The following PPP1R18 variants were observed in gnomAD, a reference collection of about 807,000 sequenced individuals.
The protein encoded by PPP1R18 is protein phosphatase 1 regulatory subunit 18.
A neutral mutation model predicts 54.8 loss-of-function variants in PPP1R18; 31 were observed. That is an observed-to-expected ratio of 0.57 (90% CI 0.43 to 0.76). The LOEUF is 0.76. Among genes scored for constraint, PPP1R18 ranks in the 30% least tolerant of loss-of-function variants. PPP1R18 has a pLI of 0.00. For missense variants in PPP1R18, 685 were observed against 776.1 expected, an observed-to-expected ratio of 0.88 and a Z score of 1.39; for synonymous variants, 310 against 320.2, an observed-to-expected ratio of 0.97 and a Z score of 0.34.
chr6:30,678,296 A>G (rs1165535459), intron 2 of PPP1R18, among the ~76,000 whole-genome samples: 1 of 151,764 alleles, frequency 6.6e-6, no homozygotes, highest in Non-Finnish European at 1.5e-5. Flanking sequence ...TGCAGCCTCC[A>G]ACTCCTGAGG....
At chr6:30,677,340 C>A in intron 2 of PPP1R18, 52 bp from the exon 3 acceptor site, 1 of 1,495,454 alleles carries the variant, frequency 6.7e-7, no homozygotes, top group Non-Finnish European at 9.0e-7. Flanking sequence ...CCTCTGCCTT[C>A]TGCCCACCCT....
In PPP1R18 at chr6:30,684,474, C is replaced by T; in HGVS notation, c.1545G>A (p.Leu515=). ...TGCGGCTGAGACGGAGGTAGCCCCC[C>T]AGAACCAAGATCTCCTCGGCAGTTG... ...RYPTAEEILV[L]GGYLRLSRSC... The change falls in exon 1 of 3, where the codon CTG becomes CTA. Residue 515 remains leucine (L), a synonymous_variant. Transcript: ENST00000274853. This position sits in a 1 kb window ranked among gnomAD's most constrained non-coding sequence, Gnocchi z 6.0. 1.9e-6 allele frequency: 3 copies of T among 1,610,356 alleles called. No individual in the cohort carries two copies. The highest frequency in any genetic ancestry group is 2.5e-6 in the Non-Finnish European group (3 of 1,178,428).
intron 1 of PPP1R18, among the ~76,000 whole-genome samples, chr6:30,682,559 G>A (rs1770606503): frequency 6.6e-6 from 1 of 152,146 alleles, no homozygotes; most frequent in Admixed American, 6.5e-5. Flanking sequence ...AGGGGGTAGA[G>A]GGTGGAGGGT....
chr6:30,676,993 G>A lies in PPP1R18; in HGVS notation c.*276C>T. On this transcript the variant is annotated 3_prime_UTR_variant, in exon 3 of 3. Transcript: ENST00000274853. Reference sequence around the variant, plus strand: ...AGGTGCTCCATCTCCACCCTCCAGGGAGTTCTGTGCCCCTTCTCAGGACTT... The same window carrying A: ...AGGTGCTCCATCTCCACCCTCCAGGAAGTTCTGTGCCCCTTCTCAGGACTT... 3.3e-6 allele frequency: 2 copies of A among 607,830 alleles called. No individual in the cohort carries two copies. Among genetic ancestry groups the A allele is most frequent in the Non-Finnish European group, 5.9e-6 (2 of 340,790 alleles). 37.7% of individuals were successfully genotyped at this position (607,830 alleles called of 1,614,324 possible). A position where few individuals can be genotyped will look rare whatever the true frequency, so the allele number is the denominator to read the frequency against.
Position 30,685,343 on chromosome 6 carries a change from C to A in PPP1R18, c.676G>T (p.Gly226Trp). The change falls in exon 1 of 3, where the codon GGG becomes TGG. Residue 226 changes from glycine to tryptophan, a missense_variant. Coordinates refer to ENST00000274853, the MANE Select transcript of PPP1R18 (RefSeq NM_133471.4). This position sits in a 1 kb window ranked among gnomAD's most constrained non-coding sequence, Gnocchi z 5.0. ...RKEVESRLSP[G>W]ESAYQKLGLT... ...CCCAACTTCTGGTAGGCAGATTCCC[C>A]TGGGCTCAGTCTACTTTCCACCTCT... is the stretch of plus-strand genomic sequence containing the variant. 3 of 1,613,098 alleles carry A rather than the reference C, an allele frequency of 1.9e-6. No homozygotes were observed. Among genetic ancestry groups the A allele is most frequent in the African/African-American group, 2.7e-5 (2 of 75,058 alleles).
rs1477674013 is a variant in PPP1R18 at position 30,684,189 on chromosome 6, G to C, written c.1611+219C>G. Among the ~76,000 whole-genome samples the C allele has an allele frequency of 6.6e-6, 1 of 152,192 alleles. No homozygotes were observed. Among genetic ancestry groups the C allele is most frequent in the Non-Finnish European group, 1.5e-5 (1 of 68,040 alleles). ...ACACCCTGAAAGAGACACACCCAGA[G>C]ACAGCCTTTGCTGGGGCAGGATCTT... On this transcript the variant is annotated intron_variant, in intron 1 of 2. Transcript: ENST00000274853. This position sits in a 1 kb window ranked among gnomAD's most constrained non-coding sequence, Gnocchi z 6.0.
upstream of PPP1R18, chr6:30,687,128 C>T (rs1003055500): frequency 1.3e-5 from 2 of 153,456 alleles, no homozygotes; most frequent in Admixed American, 1.3e-4. The surrounding 1 kb of genome is among the most constrained non-coding windows in gnomAD (Gnocchi z 7.9). Flanking sequence ...CGCGGGACCC[C>T]CGGGGGAGGG....
intron 2 of PPP1R18, 31 bp downstream of exon 2, chr6:30,679,148 G>A (rs1363038402): frequency 6.3e-7 from 1 of 1,581,076 alleles, no homozygotes; most frequent in Non-Finnish European, 8.6e-7. Context: ...ACAGCAGGGG[G>A]CGCCCTCGGG....
chr6:30,687,124 AC>A, upstream of PPP1R18: 1 of 152,880 alleles, frequency 6.5e-6, no homozygotes, highest in Non-Finnish European at 1.4e-5. This position sits in a 1 kb window ranked among gnomAD's most constrained non-coding sequence, Gnocchi z 7.9. Context: ...AGGCCGCGGG[AC>A]CCCCGGGGGA....
chr6:30,678,524 C>T (rs1770335679), intron 2 of PPP1R18, among the ~76,000 whole-genome samples: 1 of 151,992 alleles, frequency 6.6e-6, no homozygotes, highest in Admixed American at 6.6e-5. Flanking sequence ...TACAGGTGCC[C>T]GCCACCACGC....
Position 30,677,078 on chromosome 6 carries a change from G to A in PPP1R18, c.*191C>T. On this transcript the variant is annotated 3_prime_UTR_variant, in exon 3 of 3. Transcript: ENST00000274853. ...CACGTTTAACCCCACCCACACCAGG[G>A]ACTTTGGATTAGGGTAGAAATTGGG... 1.4e-6 allele frequency: 1 copy of A among 711,592 alleles called. No individual in the cohort carries two copies. The highest frequency in any genetic ancestry group is 2.7e-5 in the East Asian group (1 of 37,286). 44.1% of individuals were successfully genotyped at this position (711,592 alleles called of 1,614,324 possible).
upstream of PPP1R18, chr6:30,688,346 T>A: frequency 2.6e-6 from 1 of 383,784 alleles, no homozygotes; most frequent in Non-Finnish European, 4.7e-6. This position sits in a 1 kb window ranked among gnomAD's most constrained non-coding sequence, Gnocchi z 5.9. Context: ...GCCAGGGGAG[T>A]GGTCAGGGCA....
At chr6:30,687,761 T>A (rs73727456), upstream of PPP1R18, 6,253 of 152,720 alleles carry the variant, frequency 0.041, 299 homozygotes, top group African/African-American at 0.11. The surrounding 1 kb of genome is among the most constrained non-coding windows in gnomAD (Gnocchi z 7.9). Flanking sequence ...AGGTTTTGGA[T>A]GCTCCCTCCC....
In PPP1R18 at chr6:30,684,581, C is replaced by T; in HGVS notation, c.1438G>A (p.Val480Met). Residue 480 changes from valine to methionine, a missense_variant, in exon 1 of 3, where the codon GTG becomes ATG. Transcript: ENST00000274853. The surrounding 1 kb of genome is among the most constrained non-coding windows in gnomAD (Gnocchi z 6.0). ...GGGGTGGCTGGGGTCGCAGGGGGCA[C>T]AGACCGCCGGGGGTTGACGGTGAAG... is the stretch of plus-strand genomic sequence containing the variant. ...HTFTVNPRRSVPPATPATPTS... is the reference protein window; with the variant it reads ...HTFTVNPRRSMPPATPATPTS... 1 of 1,605,342 alleles carries T rather than the reference C, an allele frequency of 6.2e-7. No homozygotes were observed. The highest frequency in any genetic ancestry group is 8.5e-7 in the Non-Finnish European group (1 of 1,176,092).
chr6:30,681,750 A>G (rs1770562006), intron 1 of PPP1R18, among the ~76,000 whole-genome samples: 2 of 151,890 alleles, frequency 1.3e-5, no homozygotes, highest in Admixed American at 6.6e-5. Context: ...GGAGACAGCG[A>G]GACTGTCTCA....
At chr6:30,688,049 T>C (rs1450642158), upstream of PPP1R18, 2 of 153,050 alleles carry the variant, frequency 1.3e-5, no homozygotes, top group Non-Finnish European at 2.9e-5. This position sits in a 1 kb window ranked among gnomAD's most constrained non-coding sequence, Gnocchi z 5.9. Context: ...GCATGCCATA[T>C]GTAGAAAAAG....
At chr6:30,677,790 T>C (rs1192653946) in intron 2 of PPP1R18, among the ~76,000 whole-genome samples, 1 of 152,100 alleles carries the variant, frequency 6.6e-6, no homozygotes, top group African/African-American at 2.4e-5. Context: ...GAGGTTGCAG[T>C]GAGCCAAGGT....
intron 1 of PPP1R18, among the ~76,000 whole-genome samples, chr6:30,680,373 T>C (rs1020173527): frequency 2.0e-5 from 3 of 152,172 alleles, no homozygotes; most frequent in African/African-American, 4.8e-5. Context: ...GGATTCCATA[T>C]GAACTACTTG....
intron 1 of PPP1R18, among the ~76,000 whole-genome samples, chr6:30,681,084 CAAAAAA>C (rs536726905): frequency 1.3e-5 from 1 of 76,552 alleles, no homozygotes; most frequent in Non-Finnish European, 3.0e-5. Context: ...GACTCTGTCT[CAAAAAA>C]AAAAAAAAAA....
Sources: gnomAD v4.1 joint callset for allele counts (sites outside exome capture counted in the v4.1 genomes callset) on GRCh38, gnomAD v4.1.1 for gene constraint, Gnocchi (gnomAD v3.1) non-coding constraint, MANE v1.5 for transcripts, NCBI Gene and HGNC (gene_info 2026-07-23, HGNC 2026-07-21) for gene names.